The following MYO15A variants were observed in gnomAD, a reference collection of about 807,000 sequenced individuals.
The protein encoded by MYO15A is myosin XVA, also known as unconventional myosin-XV.
MYO15A carries 308 observed loss-of-function variants against 394.6 expected under a neutral mutation model. The observed-to-expected ratio is 0.78, with a 90% CI of 0.71 to 0.86. The LOEUF is 0.86. Ranked by LOEUF, MYO15A falls within the 40% of genes least tolerant of loss-of-function variation. The probability of loss-of-function intolerance (pLI) is 0.00; values close to 1 mark genes in which losing one functional copy is unlikely to be tolerated. For synonymous variants in MYO15A, 1,957 were observed against 2,003.8 expected (o/e 0.98, Z 0.62); for missense variants, 4,606 against 4,799.1 (o/e 0.96, Z 1.19).
At chr17:18,155,589 A>C (rs1334172986) in intron 47 of MYO15A, among the ~76,000 whole-genome samples, 157 bp downstream of exon 47, 2 of 152,180 alleles carry the variant, frequency 1.3e-5, no homozygotes, top group East Asian at 3.8e-4. Context: ...GGGGAAACTG[A>C]GGCTCAGAGA....
At chr17:18,146,397 C>T (rs2046481549) in intron 30 of MYO15A, among the ~76,000 whole-genome samples, 1 of 152,178 alleles carries the variant, frequency 6.6e-6, no homozygotes, top group African/African-American at 2.4e-5. Flanking sequence ...TGACCTCTCA[C>T]AGCATGAGAG....
chr17:18,161,236 G>A (rs1039874241), intron 56 of MYO15A, 81 bp from the exon 57 acceptor site: 11 of 1,555,238 alleles, frequency 7.1e-6, no homozygotes, highest in Non-Finnish European at 7.8e-6. Flanking sequence ...GTTGGAATCT[G>A]TCTCAGCTCA....
chr17:18,155,553 C>A, intron 47 of MYO15A, 121 bp downstream of exon 47: 2 of 974,162 alleles, frequency 2.1e-6, no homozygotes, highest in Non-Finnish European at 3.2e-6. Flanking sequence ...TGTGCCAAGC[C>A]ATTGAAGCAA....
chr17:18,121,236 C>G lies in MYO15A; in HGVS notation c.2436C>G (p.Pro812=). 2 of 1,480,144 alleles carry G rather than the reference C, an allele frequency of 1.4e-6. No homozygotes were observed. The highest frequency in any genetic ancestry group is 1.8e-6 in the Non-Finnish European group (2 of 1,120,230). The allele number at this position is 1,480,144 out of a possible 1,614,324, so 91.7% of individuals were successfully genotyped here. The change falls in exon 2 of 66, where the codon CCC becomes CCG. Residue 812 remains proline (P), a synonymous_variant. Transcript: ENST00000647165. The surrounding 1 kb of genome is among the most constrained non-coding windows in gnomAD (Gnocchi z 5.3). ...GCCCCTTCCAGCCGCCCTTCCTGCCCCCGGCCCGCCGGCCCCGCTCGCTGC... is the reference window on the plus strand; with the variant it reads ...GCCCCTTCCAGCCGCCCTTCCTGCCGCCGGCCCGCCGGCCCCGCTCGCTGC... The part of the protein sequence containing the change: ...RTGPFQPPFL[P]PARRPRSLQE...
Position 18,122,041 on chromosome 17 carries a change from T to G in MYO15A, c.3241T>G (p.Trp1081Gly), listed in dbSNP as rs771821256. ...TRATWPPWHR[W>G]GTLPQAAAPL... ...GGCCACATGGCCACCATGGCACCGC[T>G]GGGGAACACTGCCCCAAGCCGCAGC... is the stretch of plus-strand genomic sequence containing the variant. The change falls in exon 2 of 66, where the codon TGG becomes GGG. Residue 1081 changes from tryptophan (W) to glycine (G), a missense_variant. By Grantham distance (184) the Trp-to-Gly change is radical (BLOSUM62 -2). This residue lies in a region of MYO15A where 1,830 missense variants were observed against 1,689.7 expected (regional missense o/e 1.08). Coordinates refer to ENST00000647165, the MANE Select transcript of MYO15A (RefSeq NM_016239.4). 1.3e-4 allele frequency: 209 copies of G among 1,612,834 alleles called. No homozygotes were observed. Among genetic ancestry groups the G allele is most frequent in the Non-Finnish European group, 1.6e-4 (189 of 1,180,006 alleles).
Position 18,138,826 on chromosome 17 carries a change from T to A in MYO15A, c.5023T>A (p.Phe1675Ile). 1 of 1,613,858 alleles carries A rather than the reference T, an allele frequency of 6.2e-7. No individual in the cohort carries two copies. Among genetic ancestry groups the A allele is most frequent in the Non-Finnish European group, 8.5e-7 (1 of 1,179,934 alleles). ...CCFPQATDHT[F>I]LQKCHYHHGA... ...TTGCCCCCAGGCTACAGACCACACCTTCCTACAGAAGTGCCACTACCATCA... is the reference window on the plus strand; with the variant it reads ...TTGCCCCCAGGCTACAGACCACACCATCCTACAGAAGTGCCACTACCATCA... Residue 1675 changes from phenylalanine (F) to isoleucine (I), a missense_variant, in exon 18 of 66, where the codon TTC (phenylalanine) becomes ATC (isoleucine). Phe to Ile is a conservative substitution (Grantham distance 21). Around this residue, in one of 2 missense-constraint regions of MYO15A, gnomAD observed 2,776 missense variants for 3,109.3 expected, o/e 0.89. Coordinates refer to ENST00000647165, the MANE Select transcript of MYO15A (RefSeq NM_016239.4).
intron 55 of MYO15A, 56 bp downstream of exon 55, chr17:18,159,735 C>T: frequency 6.3e-7 from 1 of 1,587,434 alleles, no homozygotes; most frequent in East Asian, 2.2e-5. Flanking sequence ...GTTCAGTTTC[C>T]CCATCTATCA....
At chr17:18,114,736 G>A (rs774191484) in intron 1 of MYO15A, among the ~76,000 whole-genome samples, 8 of 152,026 alleles carry the variant, frequency 5.3e-5, no homozygotes, top group African/African-American at 7.2e-5. Flanking sequence ...TAGCAGTCCC[G>A]CCCTCCTGTG....
intron 51 of MYO15A, 121 bp downstream of exon 51, chr17:18,158,021 T>C: frequency 7.4e-7 from 1 of 1,344,424 alleles, no homozygotes; most frequent in Non-Finnish European, 9.8e-7. Context: ...GGGGCGTGGC[T>C]GATCTTGGAC....
At chr17:18,151,659 A>G in intron 40 of MYO15A, 132 bp downstream of exon 40, 2 of 1,255,944 alleles carry the variant, frequency 1.6e-6, no homozygotes, top group East Asian at 2.5e-5. Flanking sequence ...TATACTGATG[A>G]GTCCAGATGA....
chr17:18,154,535 T>C, intron 44 of MYO15A, 145 bp from the exon 45 acceptor site: 1 of 850,226 alleles, frequency 1.2e-6, no homozygotes. Flanking sequence ...TGGGATCTGA[T>C]TTACACAGAT....
At position 18,146,124 on chromosome 17, in the gene MYO15A, A is replaced by C. The variant is rs1243394824; in HGVS notation, c.6509+17A>C. On this transcript the variant is annotated intron_variant, in intron 30 of 65. Coordinates refer to ENST00000647165, the MANE Select transcript of MYO15A (RefSeq NM_016239.4). ...CCTTCTCAAGTGAGTGGGACTGGAT[A>C]GGGGCTGGGACACGAGGGACGGTGG... 2 of 1,612,270 alleles carry C rather than the reference A, an allele frequency of 1.2e-6. No homozygotes were observed. Among genetic ancestry groups the C allele is most frequent in the Admixed American group, 1.7e-5 (1 of 59,926 alleles).
intron 13 of MYO15A, 129 bp from the exon 14 acceptor site, chr17:18,136,288 C>T: frequency 8.5e-7 from 1 of 1,179,364 alleles, no homozygotes; most frequent in Non-Finnish European, 1.2e-6. Context: ...CCTGCCTAGT[C>T]TCTGTGTGCA....
At chr17:18,154,796 T>G in intron 45 of MYO15A, 41 bp downstream of exon 45, 1 of 1,598,986 alleles carries the variant, frequency 6.3e-7, no homozygotes, top group South Asian at 1.1e-5. Flanking sequence ...GGGCAACCAG[T>G]CAGAGGCACA....
intron 12 of MYO15A, among the ~76,000 whole-genome samples, chr17:18,133,781 C>T (rs1597781964): frequency 6.6e-6 from 1 of 151,590 alleles, no homozygotes; most frequent in African/African-American, 2.4e-5. Flanking sequence ...CTCAGCCTCC[C>T]GACTGCCTGG....
rs766439265 is a variant in MYO15A at position 18,157,732 on chromosome 17, C to G, written c.8799C>G (p.Phe2933Leu). The change falls in exon 51 of 66, where the codon TTC becomes TTG. Residue 2933 changes from phenylalanine to leucine, a missense_variant. Phe to Leu is a conservative substitution (Grantham distance 22, BLOSUM62 0). Transcript: ENST00000647165. Reference protein sequence around the residue: ...RRRGPDFGWRFGTIHGRVGRF... With the variant: ...RRRGPDFGWRLGTIHGRVGRF... ...TTTACCCACCCCTAGGCTGGAGGTT[C>G]GGGACCATCCACGGGCGCGTGGGCC... The G allele has an allele frequency of 6.2e-7, 1 of 1,606,090 alleles. No individual in the cohort carries two copies. The highest frequency in any genetic ancestry group is 1.3e-5 in the African/African-American group (1 of 74,924).
Position 18,178,717 on chromosome 17 carries a change from G to GT in MYO15A, c.10492-51dup, listed in dbSNP as rs1277589086. The GT allele has an allele frequency of 1.2e-5, 18 of 1,541,596 alleles. No homozygotes were observed. In the Admixed American group the frequency reaches 2.8e-4, roughly 24 times the overall value. ...TCCATTCTGTACTTCCCACCCCAAG[G>GT]TAAGAGCTGGGGAAGTGTTGGATGG... is the stretch of plus-strand genomic sequence containing the variant. On this transcript the variant is annotated intron_variant, in intron 65 of 65. Coordinates refer to ENST00000647165, the MANE Select transcript of MYO15A (RefSeq NM_016239.4).
rs75781223 is a variant in MYO15A, at chr17:18,115,878, C to T, written c.-219-2704C>T. On this transcript the variant is annotated intron_variant, in intron 1 of 65. Transcript: ENST00000647165. ...CCCATAGCCACTAGGCCTTCCCTGA[C>T]TTCCTGTTTAATGTCACAACCCCAC... 3.7e-3 allele frequency among the ~76,000 whole-genome samples: 571 copies of T among 152,300 alleles called. 2 individuals are homozygous for T. The highest frequency in any genetic ancestry group is 0.035 in the East Asian group (180 of 5,174).
At chr17:18,158,812 G>T in intron 52 of MYO15A, 113 bp from the exon 53 acceptor site, 1 of 1,420,730 alleles carries the variant, frequency 7.0e-7, no homozygotes, top group Non-Finnish European at 1.0e-6. Flanking sequence ...GTGACCGGTA[G>T]ACTGATCAGT....
Sources: gnomAD v4.1 joint callset for allele counts (sites outside exome capture counted in the v4.1 genomes callset) on GRCh38, gnomAD v4.1.1 for gene constraint, gnomAD v4.1.1 regional missense constraint, Gnocchi (gnomAD v3.1) non-coding constraint, MANE v1.5 for transcripts, NCBI Gene and HGNC (gene_info 2026-07-23, HGNC 2026-07-21) for gene names.